The following BTBD9 variants were observed in gnomAD, a reference collection of about 807,000 sequenced individuals.
BTBD9 encodes the protein BTB domain containing 9.
Under a neutral mutation model 64.3 loss-of-function variants are expected in BTBD9, and 49 were observed. That is an observed-to-expected ratio of 0.76 (90% CI 0.61 to 0.97). The LOEUF is 0.97. BTBD9 is among the 50% of genes least tolerant of loss of function. BTBD9 has a pLI of 0.00. For missense variants in BTBD9, 598 were observed against 762.1 expected (o/e 0.78, Z 2.53); for synonymous variants, 260 against 274.7 (o/e 0.95, Z 0.53).
intron 9 of BTBD9, chr6:38,193,838 G>C: frequency 2.0e-6 from 2 of 985,406 alleles, no homozygotes; most frequent in Non-Finnish European, 2.4e-6. Flanking sequence ...GGTTTCAGGT[G>C]TTCCATCTTC....
chr6:38,587,944 A>G (rs953170454), intron 4 of BTBD9: 5 of 726,888 alleles, frequency 6.9e-6, no homozygotes, highest in Non-Finnish European at 1.3e-5. Flanking sequence ...AAGACTGTTC[A>G]GGAACATCTG....
Position 38,316,494 on chromosome 6 carries a change from T to C in BTBD9, c.1265-28033A>G, listed in dbSNP as rs569679844. Among the ~76,000 whole-genome samples, 3 of 152,316 alleles carry C rather than the reference T, an allele frequency of 2.0e-5. No homozygotes were observed. In the East Asian group the frequency reaches 5.8e-4, roughly 29 times the overall value. The stretch of plus-strand genomic sequence containing the variant: ...TTAGATTTGAGGTTACCATGAGACT[T>C]GCAAGTAATATGACCCATTATTTTA... On this transcript the variant is annotated intron_variant, in intron 7 of 10. Transcript: ENST00000481247.
At position 38,299,613 on chromosome 6, in the gene BTBD9, A is replaced by C. The variant is rs373924044; in HGVS notation, c.1265-11152T>G. 2.0e-5 allele frequency among the ~76,000 whole-genome samples: 3 copies of C among 152,252 alleles called. No homozygotes were observed. The East Asian group carries it at 5.8e-4, about 29-fold the overall frequency. ...TGCATTTCTCTGATGGCCAGTGATGATGAGCATTTTTTCATGTGTTTTTTG... is the reference window on the plus strand; with the variant it reads ...TGCATTTCTCTGATGGCCAGTGATGCTGAGCATTTTTTCATGTGTTTTTTG... On this transcript the variant is annotated intron_variant, in intron 7 of 10. Coordinates refer to ENST00000481247, the MANE Select transcript of BTBD9 (RefSeq NM_001099272.2).
At chr6:38,363,085 T>A (rs7762070) in intron 6 of BTBD9, among the ~76,000 whole-genome samples, 2 of 152,114 alleles carry the variant, frequency 1.3e-5, no homozygotes, top group African/African-American at 4.8e-5. Context: ...CTTTTTATTT[T>A]ATTTATTTTA....
intron 6 of BTBD9, among the ~76,000 whole-genome samples, chr6:38,525,169 A>G (rs983985657): frequency 6.6e-6 from 1 of 152,266 alleles, no homozygotes; most frequent in African/African-American, 2.4e-5. Flanking sequence ...GTTGGATCAC[A>G]GGGGTAGTTT....
intron 5 of BTBD9, among the ~76,000 whole-genome samples, chr6:38,579,085 T>C (rs902464658): frequency 1.3e-5 from 2 of 152,268 alleles, no homozygotes; most frequent in Middle Eastern, 3.4e-3. Flanking sequence ...CTTTGCCAAT[T>C]AAAAACATCA....
At chr6:38,282,461 C>A (rs1366373871) in intron 8 of BTBD9, among the ~76,000 whole-genome samples, 1 of 152,160 alleles carries the variant, frequency 6.6e-6, no homozygotes, top group African/African-American at 2.4e-5. Flanking sequence ...TAGGAGCGGA[C>A]TGGATCAAGG....
At chr6:38,637,491 T>C (rs1413539166) in intron 1 of BTBD9, among the ~76,000 whole-genome samples, 1 of 152,192 alleles carries the variant, frequency 6.6e-6, no homozygotes, top group Admixed American at 6.5e-5. Context: ...GAAATCTCTT[T>C]GGTCAGTATT....
In BTBD9 at chr6:38,170,774, G is replaced by A. The variant is rs1766722108; in HGVS notation, c.*4211C>T. ...TAAATTCCTAACTGAACTCCTGCCG[G>A]GGCTGTTGTCAGGAAAAATATGCAG... On this transcript the variant is annotated 3_prime_UTR_variant, in exon 11 of 11. Coordinates refer to ENST00000481247, the MANE Select transcript of BTBD9 (RefSeq NM_001099272.2). 1 of 152,192 alleles carries A rather than the reference G, an allele frequency of 6.6e-6. No homozygotes were observed. The highest frequency in any genetic ancestry group is 2.1e-4 in the South Asian group (1 of 4,824). 9.4% of individuals were successfully genotyped at this position (152,192 alleles called of 1,614,324 possible). A position where few individuals can be genotyped will look rare whatever the true frequency, so the allele number is the denominator to read the frequency against.
intron 7 of BTBD9, among the ~76,000 whole-genome samples, chr6:38,317,840 T>G (rs1011460206): frequency 1.3e-5 from 2 of 152,116 alleles, no homozygotes; most frequent in Admixed American, 1.3e-4. Context: ...AATTTCTGCT[T>G]GATGCTTTTT....
intron 6 of BTBD9, among the ~76,000 whole-genome samples, chr6:38,460,471 A>G (rs1770026664): frequency 6.6e-6 from 1 of 152,218 alleles, no homozygotes; most frequent in Non-Finnish European, 1.5e-5. Flanking sequence ...AAAAGAATTT[A>G]CTGGTGTAAT....
chr6:38,310,818 T>TTTTGC (rs1237331869), intron 7 of BTBD9, among the ~76,000 whole-genome samples: 14 of 152,156 alleles, frequency 9.2e-5, no homozygotes, highest in Non-Finnish European at 1.5e-4. Context: ...TTTTGTTTTG[T>TTTTGC]TTTGTTTTTT....
At chr6:38,379,563 G>A (rs530732583) in intron 6 of BTBD9, among the ~76,000 whole-genome samples, 2 of 152,296 alleles carry the variant, frequency 1.3e-5, no homozygotes, top group African/African-American at 2.4e-5. Flanking sequence ...TGACAGCTGT[G>A]CATAAGGCTG....
intron 1 of BTBD9, among the ~76,000 whole-genome samples, chr6:38,638,586 G>A (rs1778609190): frequency 6.6e-6 from 1 of 152,196 alleles, no homozygotes; most frequent in African/African-American, 2.4e-5. Flanking sequence ...AAGACACTTT[G>A]AATTCCGAGT....
intron 10 of BTBD9, 30 bp from the exon 11 acceptor site, chr6:38,175,212 G>A (rs775976782): frequency 2.9e-5 from 46 of 1,612,308 alleles, no homozygotes; most frequent in Middle Eastern, 1.6e-4. Flanking sequence ...GACCCCATGA[G>A]TGAAGGGTCA....
intron 1 of BTBD9, among the ~76,000 whole-genome samples, chr6:38,635,825 CTTAG>C (rs1246545125): frequency 6.6e-6 from 1 of 152,094 alleles, no homozygotes; most frequent in East Asian, 1.9e-4. Flanking sequence ...CAGTTCTTGT[CTTAG>C]TTTGTTTTGT....
intron 9 of BTBD9, among the ~76,000 whole-genome samples, chr6:38,204,432 G>C (rs368579538): frequency 2.0e-5 from 3 of 152,098 alleles, no homozygotes; most frequent in Non-Finnish European, 4.4e-5. Context: ...TGATGAACCC[G>C]CTAAGTGAAA....
intron 6 of BTBD9, among the ~76,000 whole-genome samples, chr6:38,387,423 G>C (rs1356154652): frequency 6.6e-6 from 1 of 152,178 alleles, no homozygotes; most frequent in East Asian, 1.9e-4. Context: ...TGTAATCCCA[G>C]CTACTCGGGA....
At position 38,282,953 on chromosome 6, in the gene BTBD9, G is replaced by A. The variant is rs150123948; in HGVS notation, c.1454+5319C>T. On this transcript the variant is annotated intron_variant, in intron 8 of 10. Coordinates refer to ENST00000481247, the MANE Select transcript of BTBD9 (RefSeq NM_001099272.2). ...CCCCACTAGAATGTCAGTTCCATGA[G>A]AGCACCAATGTTTATTTTGTTTATT... Among the ~76,000 whole-genome samples, 156 of 152,280 alleles carry A rather than the reference G, an allele frequency of 1.0e-3. 1 individual carries two copies. The highest frequency in any genetic ancestry group is 3.4e-3 in the African/African-American group (143 of 41,548).
Sources: allele counts gnomAD v4.1 joint callset (sites outside exome capture counted in the v4.1 genomes callset), GRCh38; gene constraint gnomAD v4.1.1; transcripts MANE v1.5; gene names NCBI Gene and HGNC (gene_info 2026-07-23, HGNC 2026-07-21).